The following PLCE1 variants were observed in gnomAD, a reference collection of about 807,000 sequenced individuals.
The protein encoded by PLCE1 is phospholipase C epsilon 1, also known as 1-phosphatidylinositol 4,5-bisphosphate phosphodiesterase epsilon-1.
A neutral mutation model predicts 242.8 loss-of-function variants in PLCE1; 119 were observed. The observed-to-expected ratio is 0.49, with a 90% confidence interval of 0.42 to 0.57. The LOEUF (loss-of-function observed/expected upper bound fraction) is 0.57. Among genes scored for constraint, PLCE1 ranks in the 20% least tolerant of loss-of-function variants. The pLI is 0.00. For missense variants in PLCE1, 2,441 were observed against 2,788.8 expected (o/e 0.88, Z 2.81); for synonymous variants, 945 against 1,017.4 (o/e 0.93, Z 1.35).
At chr10:94,009,541 C>T (rs1056901807) in intron 1 of PLCE1, among the ~76,000 whole-genome samples, 1 of 152,194 alleles carries the variant, frequency 6.6e-6, no homozygotes, top group Admixed American at 6.5e-5. Context: ...TTAACTCATT[C>T]CACCATCAAG....
intron 21 of PLCE1, 139 bp from the exon 22 acceptor site, chr10:94,284,709 G>A (rs2052374091): frequency 1.5e-6 from 1 of 650,764 alleles, no homozygotes; most frequent in East Asian, 2.7e-5. Context: ...AAAGCTGTTG[G>A]GACATGTATA....
At chr10:94,303,028 A>G (rs962083222) in intron 24 of PLCE1, among the ~76,000 whole-genome samples, 1 of 152,212 alleles carries the variant, frequency 6.6e-6, no homozygotes, top group Non-Finnish European at 1.5e-5. Context: ...CAGTCACATC[A>G]GGACTGGCAG....
intron 4 of PLCE1, among the ~76,000 whole-genome samples, chr10:94,220,791 G>C (rs947410514): frequency 2.6e-5 from 4 of 152,156 alleles, no homozygotes; most frequent in Non-Finnish European, 5.9e-5. Context: ...GAGGTAAACA[G>C]TATGCCCATT....
intron 2 of PLCE1, among the ~76,000 whole-genome samples, chr10:94,094,046 A>C (rs966844492): frequency 7.4e-6 from 1 of 134,844 alleles, no homozygotes; most frequent in Non-Finnish European, 1.5e-5. Context: ...GGTTCACGCC[A>C]TTCTCCTGCC....
At chr10:94,326,109 A>C (rs1156604890) in intron 32 of PLCE1, among the ~76,000 whole-genome samples, 2 of 152,186 alleles carry the variant, frequency 1.3e-5, no homozygotes, top group Non-Finnish European at 2.9e-5. Context: ...AATGAACCTA[A>C]GGGTTCATTA....
At chr10:94,269,820 G>A (rs2051660820) in intron 17 of PLCE1, among the ~76,000 whole-genome samples, 1 of 152,196 alleles carries the variant, frequency 6.6e-6, no homozygotes, top group African/African-American at 2.4e-5. Context: ...GATCTCACTG[G>A]ATTTGTGTTT....
intron 2 of PLCE1, chr10:94,104,849 G>A (rs2045669688): frequency 6.6e-6 from 1 of 152,180 alleles, no homozygotes; most frequent in African/African-American, 2.4e-5. Flanking sequence ...CTTTAGAACA[G>A]CAGCTGCACA....
intron 2 of PLCE1, among the ~76,000 whole-genome samples, chr10:94,106,873 C>T (rs1380772036): frequency 7.0e-6 from 1 of 143,400 alleles, no homozygotes; most frequent in Non-Finnish European, 1.5e-5. Context: ...AATATCAAAT[C>T]CTCCTTGTTA....
rs1252384003 is a variant in PLCE1, at chr10:94,252,382, A to G, written c.3163A>G (p.Ser1055Gly). The G allele has an allele frequency of 2.5e-6, 4 of 1,614,020 alleles. No individual in the cohort carries two copies. The highest frequency in any genetic ancestry group is 3.3e-5 in the Admixed American group (2 of 59,996). Residue 1055 changes from serine (S) to glycine (G), a missense_variant, in exon 9 of 33, where the codon AGT becomes GGT. Ser to Gly is a moderately conservative substitution (Grantham distance 56, BLOSUM62 0). Around this residue, in one of 5 missense-constraint regions of PLCE1, gnomAD observed 1,004 missense variants for 1,322.7 expected, o/e 0.76. Coordinates refer to ENST00000371380, the MANE Select transcript of PLCE1 (RefSeq NM_016341.4). ...AVELFGGRRW[S>G]ARNPSPGTSA... ...GGAGTTGTTTGGTGGCAGACGGTGG[A>G]GTGCTCGAAACCCCAGCCCCGGAAC...
In PLCE1 at chr10:94,298,513, C is replaced by T; in HGVS notation, c.5302C>T (p.Leu1768=). 2 of 1,614,118 alleles carry T rather than the reference C, an allele frequency of 1.2e-6. No homozygotes were observed. The highest frequency in any genetic ancestry group is 1.7e-6 in the Non-Finnish European group (2 of 1,180,026). ...SSLNENAAKR[L]CRRYSQKLTQ... is the part of the protein sequence containing the mutation. Reference sequence around the variant, plus strand: ...GCTGAATGAAAATGCCGCCAAACGTCTGTGTCGCAGGTATTCTCAGAAACT... The same window carrying T: ...GCTGAATGAAAATGCCGCCAAACGTTTGTGTCGCAGGTATTCTCAGAAACT... The change falls in exon 24 of 33, where the codon CTG becomes TTG. Residue 1768 remains leucine, a synonymous_variant. Transcript: ENST00000371380. The surrounding 1 kb of genome is among the most constrained non-coding windows in gnomAD (Gnocchi z 5.2).
At chr10:94,113,511 G>C (rs746860873) in intron 2 of PLCE1, among the ~76,000 whole-genome samples, 1 of 152,200 alleles carries the variant, frequency 6.6e-6, no homozygotes, top group African/African-American at 2.4e-5. Context: ...GCTGGGAGCC[G>C]TAGGTGAGAA....
At chr10:94,106,960 C>G (rs2045768971) in intron 2 of PLCE1, 3 of 142,148 alleles carry the variant, frequency 2.1e-5, no homozygotes, top group African/African-American at 5.2e-5. Flanking sequence ...CCCCTCCCCC[C>G]CCCAACACCC....
intron 22 of PLCE1, among the ~76,000 whole-genome samples, chr10:94,291,834 T>C (rs2052656674): frequency 6.6e-6 from 1 of 152,190 alleles, no homozygotes; most frequent in Middle Eastern, 3.2e-3. Flanking sequence ...TGAAGGTTCT[T>C]TGTTGCTTCT....
chr10:94,054,808 C>A (rs975737303), intron 2 of PLCE1, among the ~76,000 whole-genome samples: 14 of 152,032 alleles, frequency 9.2e-5, no homozygotes, highest in African/African-American at 3.4e-4. Flanking sequence ...GTCAGGAGAT[C>A]GAGACCATCC....
chr10:94,038,299 C>G (rs1341769482), intron 2 of PLCE1, among the ~76,000 whole-genome samples: 1 of 152,146 alleles, frequency 6.6e-6, no homozygotes, highest in African/African-American at 2.4e-5. Flanking sequence ...TAACTGGTGG[C>G]TCAGACAGCG....
chr10:94,244,832 A>G (rs1391182491), intron 7 of PLCE1, among the ~76,000 whole-genome samples: 2 of 152,068 alleles, frequency 1.3e-5, no homozygotes, highest in Admixed American at 1.3e-4. Context: ...CCTCTTAAGT[A>G]GCTGGGACTA....
intron 2 of PLCE1, among the ~76,000 whole-genome samples, chr10:94,124,381 GAAAAAA>G (rs981911349): frequency 6.8e-5 from 4 of 58,588 alleles, no homozygotes; most frequent in African/African-American, 2.2e-4. Flanking sequence ...TTGTCTCAGA[GAAAAAA>G]AAAAAAAAAA....
At chr10:94,230,692 C>T (rs2050113705) in intron 5 of PLCE1, among the ~76,000 whole-genome samples, 1 of 152,056 alleles carries the variant, frequency 6.6e-6, no homozygotes, top group Non-Finnish European at 1.5e-5. Context: ...CTCACTGTAA[C>T]CTCTTACCCT....
Position 94,273,699 on chromosome 10 carries a change from A to T in PLCE1, c.4644A>T (p.Pro1548=). ...KNKKLKAHQT[P]VDILKQKAHQ... ...AGAAGCTAAAAGCCCATCAGACGCC[A>T]GTGGATATCTTAAAGCAAAAGGTAC... Residue 1548 remains proline (P), a synonymous_variant, in exon 19 of 33, where the codon CCA becomes CCT. Coordinates refer to ENST00000371380, the MANE Select transcript of PLCE1 (RefSeq NM_016341.4). 1 of 1,613,988 alleles carries T rather than the reference A, an allele frequency of 6.2e-7. No individual in the cohort carries two copies. Among genetic ancestry groups the T allele is most frequent in the Non-Finnish European group, 8.5e-7 (1 of 1,179,898 alleles).
Sources: gnomAD v4.1 joint callset for allele counts (sites outside exome capture counted in the v4.1 genomes callset) on GRCh38, gnomAD v4.1.1 for gene constraint, gnomAD v4.1.1 regional missense constraint, Gnocchi (gnomAD v3.1) non-coding constraint, MANE v1.5 for transcripts, NCBI Gene and HGNC (gene_info 2026-07-23, HGNC 2026-07-21) for gene names.